SBF2: variants seen among roughly 807,000 people sequenced by gnomAD.
The protein encoded by SBF2 is SET binding factor 2, also known as myotubularin-related protein 13.
Under a neutral mutation model 225.2 loss-of-function variants are expected in SBF2, and 112 were observed. That is an observed-to-expected ratio of 0.50 (90% CI 0.43 to 0.58). SBF2 has a LOEUF of 0.58. Among genes scored for constraint, SBF2 ranks in the 20% least tolerant of loss-of-function variants. The probability of loss-of-function intolerance (pLI) is 0.00; values close to 1 mark genes in which losing one functional copy is unlikely to be tolerated. For synonymous variants in SBF2, 763 were observed against 773.3 expected (o/e 0.99, Z 0.22); for missense variants, 1,996 against 2,206.2 (o/e 0.90, Z 1.91).
At chr11:10,178,418 G>C (rs1275348560) in intron 2 of SBF2, among the ~76,000 whole-genome samples, 1 of 139,028 alleles carries the variant, frequency 7.2e-6, no homozygotes, top group African/African-American at 2.8e-5. Context: ...CCTACAAAAT[G>C]GGAGAAAATT....
intron 2 of SBF2, among the ~76,000 whole-genome samples, chr11:10,047,570 T>G (rs1949910317): frequency 1.3e-5 from 2 of 152,192 alleles, no homozygotes; most frequent in African/African-American, 4.8e-5. Flanking sequence ...TTACCCCCTT[T>G]GATCCAACCC....
At chr11:9,800,388 G>GTATT (rs895623409) in intron 32 of SBF2, among the ~76,000 whole-genome samples, 2 of 151,918 alleles carry the variant, frequency 1.3e-5, no homozygotes, top group African/African-American at 4.8e-5. Context: ...TTTTTAAAAA[G>GTATT]TATTTATTTA....
At chr11:10,031,761 G>C (rs539265685) in intron 3 of SBF2, among the ~76,000 whole-genome samples, 6 of 152,274 alleles carry the variant, frequency 3.9e-5, no homozygotes, top group Admixed American at 3.3e-4. Context: ...TTCCGTTTTT[G>C]AAACAAGGTC....
At chr11:9,989,868 A>G (rs1947350106) in intron 12 of SBF2, among the ~76,000 whole-genome samples, 1 of 152,176 alleles carries the variant, frequency 6.6e-6, no homozygotes, top group African/African-American at 2.4e-5. Context: ...CTGTCATTCC[A>G]CAGGCCTCAG....
At chr11:9,878,311 A>T (rs539622148) in intron 17 of SBF2, among the ~76,000 whole-genome samples, 21 of 152,312 alleles carry the variant, frequency 1.4e-4, no homozygotes, top group African/African-American at 4.8e-4. Context: ...TCAGATGAGC[A>T]GATTGCAAAA....
intron 12 of SBF2, among the ~76,000 whole-genome samples, chr11:9,990,724 A>G (rs1162752843): frequency 6.6e-6 from 1 of 152,212 alleles, no homozygotes; most frequent in Non-Finnish European, 1.5e-5. Context: ...ATTGTTTCCA[A>G]TCTAGACTAT....
intron 16 of SBF2, among the ~76,000 whole-genome samples, chr11:9,946,217 T>C (rs1590566094): frequency 6.6e-6 from 1 of 152,016 alleles, no homozygotes; most frequent in Non-Finnish European, 1.5e-5. Context: ...ATAAAGAAAA[T>C]GTGGTACACA....
intron 32 of SBF2, among the ~76,000 whole-genome samples, chr11:9,800,764 G>A (rs1377755958): frequency 6.6e-6 from 1 of 152,088 alleles, no homozygotes; most frequent in African/African-American, 2.4e-5. Flanking sequence ...GCCCAGGCTG[G>A]TCTTGAACTC....
chr11:9,976,777 G>GT (rs202076919), intron 13 of SBF2, among the ~76,000 whole-genome samples: 8,172 of 149,208 alleles, frequency 0.055, 486 homozygotes, highest in East Asian at 0.18. Context: ...GTTGTTTTTT[G>GT]TTTTTTTTTG....
intron 2 of SBF2, among the ~76,000 whole-genome samples, chr11:10,129,366 C>T (rs1408306343): frequency 6.6e-6 from 1 of 152,016 alleles, no homozygotes; most frequent in Non-Finnish European, 1.5e-5. Context: ...GCCTCCCAGA[C>T]TGCTGGGATT....
intron 2 of SBF2, among the ~76,000 whole-genome samples, chr11:10,104,731 T>C (rs1352437300): frequency 1.3e-5 from 2 of 152,222 alleles, no homozygotes; most frequent in Non-Finnish European, 2.9e-5. Context: ...CAGATTCTTA[T>C]TGCTTCCTAC....
intron 16 of SBF2, among the ~76,000 whole-genome samples, chr11:9,921,993 C>G (rs1466654820): frequency 1.3e-5 from 2 of 152,172 alleles, no homozygotes; most frequent in African/African-American, 4.8e-5. Context: ...TGTCTGTAAT[C>G]CTAGTACTTT....
At chr11:9,906,469 C>T (rs948786192) in intron 16 of SBF2, among the ~76,000 whole-genome samples, 8 of 152,172 alleles carry the variant, frequency 5.3e-5, no homozygotes, top group Non-Finnish European at 1.0e-4. Context: ...CTAGTGGGCA[C>T]TATTTATTAT....
chr11:9,845,606 T>C lies in SBF2; in HGVS notation c.3069A>G (p.Gln1023=), dbSNP rs760629711. ...FAFAAGQTTP[Q]IILPKQKEKN... ...TTTCCTTCTGTTTTGGTAAAATTATTTGTGGGGTAGTTTGTCCAGCAGCAA... is the reference window on the plus strand; with the variant it reads ...TTTCCTTCTGTTTTGGTAAAATTATCTGTGGGGTAGTTTGTCCAGCAGCAA... Residue 1023 remains glutamine (Q), a synonymous_variant, in exon 24 of 40, where the codon CAA becomes CAG. Coordinates refer to ENST00000256190, the MANE Select transcript of SBF2 (RefSeq NM_030962.4). The C allele has an allele frequency of 5.6e-6, 9 of 1,613,816 alleles. No homozygotes were observed. Among genetic ancestry groups the C allele is most frequent in the Non-Finnish European group, 7.6e-6 (9 of 1,179,816 alleles).
chr11:10,018,659 G>C (rs1290431302), intron 6 of SBF2, among the ~76,000 whole-genome samples: 1 of 152,106 alleles, frequency 6.6e-6, no homozygotes, highest in Non-Finnish European at 1.5e-5. Context: ...GGATCCTTCT[G>C]AACTTTCCTC....
At chr11:10,185,241 T>C (rs781150614) in intron 2 of SBF2, among the ~76,000 whole-genome samples, 18 of 152,170 alleles carry the variant, frequency 1.2e-4, no homozygotes, top group Non-Finnish European at 2.1e-4. Context: ...TGTATGAATA[T>C]CTGTTTGAAT....
intron 2 of SBF2, among the ~76,000 whole-genome samples, chr11:10,067,557 C>T (rs1036475895): frequency 5.3e-5 from 8 of 151,702 alleles, no homozygotes; most frequent in African/African-American, 1.9e-4. Flanking sequence ...AAAACAAAAA[C>T]AAAAACAAAA....
chr11:10,033,180 A>G (rs1389086616), intron 3 of SBF2, among the ~76,000 whole-genome samples: 5 of 152,210 alleles, frequency 3.3e-5, no homozygotes, highest in African/African-American at 1.2e-4. Flanking sequence ...AATGAATCAT[A>G]TTCTTCATGG....
intron 2 of SBF2, among the ~76,000 whole-genome samples, chr11:10,164,397 T>C (rs920131768): frequency 5.9e-5 from 9 of 152,284 alleles, no homozygotes; most frequent in African/African-American, 1.9e-4. Context: ...AAACACAAAT[T>C]GGATAGGCAA....
Sources: gnomAD v4.1 joint callset for allele counts (sites outside exome capture counted in the v4.1 genomes callset) on GRCh38, gnomAD v4.1.1 for gene constraint, MANE v1.5 for transcripts, NCBI Gene and HGNC (gene_info 2026-07-23, HGNC 2026-07-21) for gene names.